The following AP4E1 variants were observed in gnomAD, a reference collection of about 807,000 sequenced individuals.
AP4E1 encodes the protein adaptor related protein complex 4 subunit epsilon 1.
In AP4E1, 56 loss-of-function variants were observed where a neutral mutation model predicts 128.2. That is an observed-to-expected ratio of 0.44 (90% CI 0.35 to 0.55). The LOEUF (loss-of-function observed/expected upper bound fraction) is 0.55, where lower values mean the gene tolerates loss of function less well. Among genes scored for constraint, AP4E1 ranks in the 20% least tolerant of loss-of-function variants. AP4E1 has a pLI of 0.00. For missense variants in AP4E1, 1,324 were observed against 1,307.7 expected, an observed-to-expected ratio of 1.01 and a Z score of -0.19; for synonymous variants, 484 against 473.1, an observed-to-expected ratio of 1.02 and a Z score of -0.30.
At chr15:50,923,302 T>A (rs909735870) in intron 3 of AP4E1, among the ~76,000 whole-genome samples, 2 of 152,254 alleles carry the variant, frequency 1.3e-5, no homozygotes. Context: ...AAATGTACTT[T>A]AAAAATGTTT....
intron 2 of AP4E1, 28 bp from the exon 3 acceptor site, chr15:50,915,420 T>C: frequency 1.2e-6 from 2 of 1,603,398 alleles, no homozygotes; most frequent in African/African-American, 1.3e-5. Context: ...TGTTTATTTA[T>C]ACAGCTACTG....
intron 20 of AP4E1, among the ~76,000 whole-genome samples, chr15:51,002,112 C>G (rs1259563028): frequency 6.6e-6 from 1 of 152,088 alleles, no homozygotes; most frequent in East Asian, 1.9e-4. Flanking sequence ...AACTCCTGAG[C>G]TTAAGTGATC....
chr15:51,000,937 T>C, intron 19 of AP4E1, 89 bp from the exon 20 acceptor site: 2 of 1,058,558 alleles, frequency 1.9e-6, no homozygotes, highest in South Asian at 2.7e-5. Context: ...ACAATGATTA[T>C]GTTTTATTCT....
intron 7 of AP4E1, among the ~76,000 whole-genome samples, chr15:50,932,274 G>A (rs1296320051): frequency 6.6e-6 from 1 of 151,926 alleles, no homozygotes; most frequent in Non-Finnish European, 1.5e-5. Context: ...CCACCGCCCC[G>A]GCCTCAATTT....
At chr15:50,988,466 C>T (rs979640311) in intron 16 of AP4E1, among the ~76,000 whole-genome samples, 4 of 152,102 alleles carry the variant, frequency 2.6e-5, no homozygotes, top group African/African-American at 9.7e-5. Flanking sequence ...AGGCTCCTGC[C>T]ACCATACCCG....
intron 2 of AP4E1, among the ~76,000 whole-genome samples, chr15:50,913,404 G>C (rs2063588157): frequency 6.6e-6 from 1 of 152,188 alleles, no homozygotes; most frequent in Admixed American, 6.5e-5. Flanking sequence ...TTCCAAGGCA[G>C]AAACCTGAAG....
At chr15:50,915,148 T>A (rs564378670) in intron 2 of AP4E1, among the ~76,000 whole-genome samples, 1 of 152,334 alleles carries the variant, frequency 6.6e-6, no homozygotes, top group South Asian at 2.1e-4. Context: ...AGACCCCATG[T>A]ATCACATTAT....
intron 14 of AP4E1, among the ~76,000 whole-genome samples, chr15:50,966,531 CTTTTTTTTTTT>C (rs11329556): frequency 1.0e-5 from 1 of 96,432 alleles, no homozygotes; most frequent in Non-Finnish European, 2.0e-5. Flanking sequence ...TCTCAAGAAT[CTTTTTTTTTTT>C]TTTTTTTTTT....
In AP4E1 at chr15:50,960,833, A is replaced by G. The variant is rs1433099609; in HGVS notation, c.1851+2039A>G. Among the ~76,000 whole-genome samples, 8 of 152,090 alleles carry G rather than the reference A, an allele frequency of 5.3e-5. No individual in the cohort carries two copies. The East Asian group carries it at 1.5e-3, about 29-fold the overall frequency. On this transcript the variant is annotated intron_variant, in intron 14 of 20. Coordinates refer to ENST00000261842, the MANE Select transcript of AP4E1 (RefSeq NM_007347.5). ...TAAAAAAGATACAAAAAAAAAAGAG[A>G]CAAAAAGTTGGTTATTTTGAACAAT...
chr15:51,001,251 A>G lies in AP4E1; in HGVS notation c.3253+68A>G, dbSNP rs1038216976. The G allele has an allele frequency of 1.6e-5, 23 of 1,438,100 alleles. No individual in the cohort carries two copies. The Admixed American group carries it at 3.6e-4, about 22-fold the overall frequency. The allele number at this position is 1,438,100 out of a possible 1,614,324, so 89.1% of individuals were successfully genotyped here. A position where few individuals can be genotyped will look rare whatever the true frequency, so the allele number is the denominator to read the frequency against. ...TTTCTTATAATTGGAACACAAATCA[A>G]CTCTTACAAGTATCAGATTTCTCAG... On this transcript the variant is annotated intron_variant, in intron 20 of 20. Coordinates refer to ENST00000261842, the MANE Select transcript of AP4E1 (RefSeq NM_007347.5).
rs190015343 is a variant in AP4E1, at chr15:50,989,409, G to A, written c.2091-3961G>A. ...AAATGGTTACAAGTATTTATCAGAA[G>A]AAAGATACTAATAATAGATCATGAG... On this transcript the variant is annotated intron_variant, in intron 16 of 20. Transcript: ENST00000261842. Among the ~76,000 whole-genome samples, 370 of 151,874 alleles carry A rather than the reference G, an allele frequency of 2.4e-3. 1 individual carries two copies. The highest frequency in any genetic ancestry group is 8.7e-3 in the African/African-American group (360 of 41,428).
intron 16 of AP4E1, among the ~76,000 whole-genome samples, chr15:50,992,598 C>T (rs1445457661): frequency 6.6e-6 from 1 of 152,114 alleles, no homozygotes; most frequent in African/African-American, 2.4e-5. Flanking sequence ...TGCCTAGATG[C>T]CTTGTTTAGG....
At chr15:50,934,540 TCA>T in intron 7 of AP4E1, 82 bp from the exon 8 acceptor site, 1 of 852,192 alleles carries the variant, frequency 1.2e-6, no homozygotes, top group Non-Finnish European at 2.0e-6. Context: ...CTGTAGATCC[TCA>T]GTTTTAAAGA....
At position 50,929,051 on chromosome 15, in the gene AP4E1, C is replaced by A; in HGVS notation, c.585C>A (p.Phe195Leu). Residue 195 changes from phenylalanine to leucine, a missense_variant, in exon 6 of 21, where the codon TTC becomes TTA. Transcript: ENST00000261842. ...RRKAVLALYKFHLIAPNQVQH... is the reference protein window; with the variant it reads ...RRKAVLALYKLHLIAPNQVQH... ...AAGCTGTTCTGGCATTATACAAATT[C>A]CATCTCATTGCTCCTAATCAAGTAC... The A allele has an allele frequency of 6.2e-7, 1 of 1,613,764 alleles. No homozygotes were observed.
intron 7 of AP4E1, among the ~76,000 whole-genome samples, chr15:50,933,952 A>G (rs1391057572): frequency 1.3e-5 from 2 of 151,982 alleles, no homozygotes; most frequent in Admixed American, 1.3e-4. Context: ...CTAAGAAGCT[A>G]TAGTTTTTCA....
At position 50,999,117 on chromosome 15, in the gene AP4E1, A is replaced by G. The variant is rs749358221; in HGVS notation, c.2950A>G (p.Ser984Gly). 1 of 1,614,054 alleles carries G rather than the reference A, an allele frequency of 6.2e-7. No homozygotes were observed. The highest frequency in any genetic ancestry group is 1.1e-5 in the South Asian group (1 of 91,078). The change falls in exon 19 of 21, where the codon AGC (serine) becomes GGC (glycine). Residue 984 changes from serine (S) to glycine (G), a missense_variant. Transcript: ENST00000261842. ...CTGTTTGCCTGTAATGGAAGCAGAA[A>G]GCACCAAAAGCTTTCAATATAGTGT... ...GCCLPVMEAE[S>G]TKSFQYSVQI... is the part of the protein sequence containing the mutation.
In AP4E1 at chr15:50,997,780, T is replaced by A; in HGVS notation, c.2801T>A (p.Ile934Asn). 6.2e-7 allele frequency: 1 copy of A among 1,610,078 alleles called. No homozygotes were observed. Among genetic ancestry groups the A allele is most frequent in the Non-Finnish European group, 8.5e-7 (1 of 1,177,668 alleles). Residue 934 changes from isoleucine to asparagine, a missense_variant, in exon 18 of 21, where the codon ATT becomes AAT. Ile to Asn is a moderately radical substitution (Grantham distance 149). Coordinates refer to ENST00000261842, the MANE Select transcript of AP4E1 (RefSeq NM_007347.5). ...ACTATATCAGTGTCTTCTTATAAAA[T>A]TTGGAAAGATGATTGTTTATTGATG... ...NETISVSSYK[I>N]WKDDCLLMVW...
rs2064831994 is a variant in AP4E1 at position 50,993,621 on chromosome 15, A to C, written c.2342A>C (p.Asn781Thr). The change falls in exon 17 of 21, where the codon AAC becomes ACC. Residue 781 changes from asparagine to threonine, a missense_variant. Coordinates refer to ENST00000261842, the MANE Select transcript of AP4E1 (RefSeq NM_007347.5). ...GGTCTAGGATCAGAAAGTACAATCA[A>C]CCTGGTAAGTAATCGGTTCTATTCC... ...FVGLGSESTI[N>T]LLGKADTVSH... The C allele has an allele frequency of 6.2e-7, 1 of 1,613,798 alleles. No homozygotes were observed. Among genetic ancestry groups the C allele is most frequent in the African/African-American group, 1.3e-5 (1 of 74,912 alleles).
chr15:50,952,407 G>A (rs1382350451), intron 13 of AP4E1, among the ~76,000 whole-genome samples: 1 of 151,824 alleles, frequency 6.6e-6, no homozygotes, highest in African/African-American at 2.4e-5. Context: ...CTACTCGGGA[G>A]GCTGAGGCAG....
Sources: allele counts gnomAD v4.1 joint callset (sites outside exome capture counted in the v4.1 genomes callset), GRCh38; gene constraint gnomAD v4.1.1; transcripts MANE v1.5; gene names NCBI Gene and HGNC (gene_info 2026-07-23, HGNC 2026-07-21).